The following ATP8B4 variants were observed in gnomAD, a reference collection of about 807,000 sequenced individuals.
The protein encoded by ATP8B4 is ATPase phospholipid transporting 8B4 (putative).
A neutral mutation model predicts 145.6 loss-of-function variants in ATP8B4; 133 were observed. The observed-to-expected ratio is 0.91, with a 90% confidence interval of 0.79 to 1.05. The LOEUF (loss-of-function observed/expected upper bound fraction) is 1.05, where lower values mean the gene tolerates loss of function less well. Ranked by LOEUF, ATP8B4 falls within the 50% of genes least tolerant of loss-of-function variation. The pLI is 0.00. For synonymous variants in ATP8B4, 507 were observed against 492.9 expected (o/e 1.03, Z -0.38); for missense variants, 1,458 against 1,425.2 (o/e 1.02, Z -0.37).
intron 12 of ATP8B4, among the ~76,000 whole-genome samples, chr15:49,974,141 G>A (rs914278477): frequency 5.5e-5 from 8 of 144,680 alleles, no homozygotes; most frequent in East Asian, 2.1e-4. Flanking sequence ...GGAGTGCAAC[G>A]GCGCAATCTC....
At chr15:50,141,724 T>C (rs1242321893) in intron 1 of ATP8B4, among the ~76,000 whole-genome samples, 1 of 152,200 alleles carries the variant, frequency 6.6e-6, no homozygotes, top group Non-Finnish European at 1.5e-5. Context: ...AATGGGTGAA[T>C]TTTATGGCAT....
chr15:50,165,784 G>C (rs1264191372), intron 1 of ATP8B4, among the ~76,000 whole-genome samples: 1 of 145,140 alleles, frequency 6.9e-6, no homozygotes, highest in Non-Finnish European at 1.5e-5. Flanking sequence ...AAAGAAAAAA[G>C]CAAATAAAAA....
intron 2 of ATP8B4, among the ~76,000 whole-genome samples, chr15:50,103,861 A>G (rs901126526): frequency 2.0e-5 from 3 of 152,336 alleles, no homozygotes; most frequent in African/African-American, 7.2e-5. Context: ...CCAAAACAGC[A>G]TAATACTGGT....
chr15:50,162,467 T>C (rs973379865), intron 1 of ATP8B4, among the ~76,000 whole-genome samples: 3 of 152,056 alleles, frequency 2.0e-5, no homozygotes, highest in African/African-American at 7.2e-5. Context: ...TTTGCCCTTT[T>C]GAGGCTATTT....
chr15:49,922,901 C>T (rs116950065), intron 17 of ATP8B4, among the ~76,000 whole-genome samples: 2,594 of 152,208 alleles, frequency 0.017, 49 homozygotes, highest in Non-Finnish European at 0.026. Context: ...ATAAAAAGAC[C>T]CTTAGAGGAG....
chr15:50,091,340 T>C (rs1340429962), intron 2 of ATP8B4, among the ~76,000 whole-genome samples: 1 of 152,186 alleles, frequency 6.6e-6, no homozygotes, highest in Non-Finnish European at 1.5e-5. Context: ...GGGTGTTCTG[T>C]AGTAATGGTT....
At chr15:49,909,202 T>A (rs1425845899) in intron 20 of ATP8B4, among the ~76,000 whole-genome samples, 2 of 151,984 alleles carry the variant, frequency 1.3e-5, no homozygotes, top group Non-Finnish European at 2.9e-5. Flanking sequence ...CCCTGCTCCA[T>A]CCACCATCCA....
At chr15:50,108,032 T>G (rs2056767674) in intron 1 of ATP8B4, among the ~76,000 whole-genome samples, 2 of 152,072 alleles carry the variant, frequency 1.3e-5, no homozygotes, top group Non-Finnish European at 2.9e-5. Flanking sequence ...GGGGCCAGGT[T>G]ACTAAAACTT....
chr15:50,064,009 G>A (rs2053206405), intron 3 of ATP8B4, among the ~76,000 whole-genome samples: 1 of 152,116 alleles, frequency 6.6e-6, no homozygotes, highest in African/African-American at 2.4e-5. Context: ...GGGAGGTAAT[G>A]AGGTCCCCTC....
chr15:50,040,854 A>G (rs531422329), intron 5 of ATP8B4, among the ~76,000 whole-genome samples: 38 of 152,360 alleles, frequency 2.5e-4, no homozygotes, highest in African/African-American at 8.9e-4. Flanking sequence ...GAACTTCCAC[A>G]GGAAAGAAAG....
chr15:50,026,404 G>A (rs960355242), intron 6 of ATP8B4, among the ~76,000 whole-genome samples: 1 of 152,148 alleles, frequency 6.6e-6, no homozygotes, highest in Non-Finnish European at 1.5e-5. Context: ...GATTCAAGAG[G>A]TCCGGGAAAG....
intron 1 of ATP8B4, among the ~76,000 whole-genome samples, chr15:50,162,581 A>T (rs1325623735): frequency 6.6e-6 from 1 of 151,990 alleles, no homozygotes; most frequent in African/African-American, 2.4e-5. Flanking sequence ...ATCTCAGCTC[A>T]CTGCAAGCTC....
At chr15:50,017,010 G>A (rs1411262878) in intron 6 of ATP8B4, among the ~76,000 whole-genome samples, 1 of 152,172 alleles carries the variant, frequency 6.6e-6, no homozygotes, top group Non-Finnish European at 1.5e-5. Context: ...ACCTCCCAAA[G>A]TGCTGAGATT....
intron 1 of ATP8B4, among the ~76,000 whole-genome samples, chr15:50,180,522 A>C (rs983966302): frequency 6.6e-6 from 1 of 152,174 alleles, no homozygotes; most frequent in African/African-American, 2.4e-5. Context: ...CCCTTGTGGT[A>C]ATCTAGCACT....
chr15:49,936,782 T>A (rs2041771322), intron 14 of ATP8B4, among the ~76,000 whole-genome samples: 1 of 152,108 alleles, frequency 6.6e-6, no homozygotes, highest in Non-Finnish European at 1.5e-5. Context: ...CAGTCTTAGT[T>A]AAATTTTGGA....
chr15:49,922,507 G>A (rs1423411374), intron 17 of ATP8B4: 4 of 349,572 alleles, frequency 1.1e-5, no homozygotes, highest in African/African-American at 8.8e-5. Flanking sequence ...TAAATTTAAA[G>A]TGAGACAGAG....
At chr15:50,089,610 G>C (rs1245572194) in intron 2 of ATP8B4, among the ~76,000 whole-genome samples, 1 of 152,038 alleles carries the variant, frequency 6.6e-6, no homozygotes, top group African/African-American at 2.4e-5. Context: ...TTATTAAAAA[G>C]TCAAGAAACC....
chr15:49,958,722 G>C (rs80311485), intron 14 of ATP8B4, among the ~76,000 whole-genome samples: 2,053 of 151,934 alleles, frequency 0.014, 42 homozygotes, highest in African/African-American at 0.047. Context: ...GTGAAAATCT[G>C]ATTGAATTTG....
chr15:50,048,982 A>C (rs2051954190), intron 3 of ATP8B4, among the ~76,000 whole-genome samples: 1 of 152,102 alleles, frequency 6.6e-6, no homozygotes, highest in Non-Finnish European at 1.5e-5. Flanking sequence ...GAGCGGGAAA[A>C]ACTAGGCAAA....
Sources: allele counts gnomAD v4.1 joint callset (sites outside exome capture counted in the v4.1 genomes callset), GRCh38; gene constraint gnomAD v4.1.1; transcripts MANE v1.5; gene names NCBI Gene and HGNC (gene_info 2026-07-23, HGNC 2026-07-21).